The following CELA3B variants were observed in gnomAD, a reference collection of about 807,000 sequenced individuals.
The protein encoded by CELA3B is chymotrypsin like elastase 3B, also known as chymotrypsin-like elastase family member 3B.
In CELA3B, 34 loss-of-function variants were observed where a neutral mutation model predicts 37.2. The observed-to-expected ratio is 0.91, with a 90% CI of 0.70 to 1.22. The LOEUF (loss-of-function observed/expected upper bound fraction) is 1.22, where lower values mean the gene tolerates loss of function less well. CELA3B is among the 50% of genes most tolerant of loss of function. The probability of loss-of-function intolerance (pLI) is 0.00; values close to 1 mark genes in which losing one functional copy is unlikely to be tolerated. For synonymous variants in CELA3B, 127 were observed against 143.5 expected, an observed-to-expected ratio of 0.89 and a Z score of 0.82; for missense variants, 340 against 363.1, an observed-to-expected ratio of 0.94 and a Z score of 0.52.
downstream of CELA3B, among the ~76,000 whole-genome samples, chr1:21,993,834 T>C (rs1030243933): frequency 3.4e-5 from 5 of 146,106 alleles, no homozygotes; most frequent in African/African-American, 1.3e-4. Context: ...TGTGAGCCAC[T>C]GCACCTGGAC....
At chr1:21,986,320 G>T (rs1644838507) in intron 6 of CELA3B, among the ~76,000 whole-genome samples, 1 of 151,860 alleles carries the variant, frequency 6.6e-6, no homozygotes, top group Non-Finnish European at 1.5e-5. Context: ...AGGTTGCAAT[G>T]AGCCAAGCTA....
downstream of CELA3B, among the ~76,000 whole-genome samples, chr1:21,994,298 C>T (rs1355101559): frequency 2.0e-5 from 3 of 150,866 alleles, no homozygotes; most frequent in Non-Finnish European, 4.4e-5. Flanking sequence ...TCTCCCTACA[C>T]TTCCTCCACT....
Position 21,986,522 on chromosome 1 carries a change from C to G in CELA3B, c.643-9C>G. 1 of 1,613,536 alleles carries G rather than the reference C, an allele frequency of 6.2e-7. No individual in the cohort carries two copies. The highest frequency in any genetic ancestry group is 8.5e-7 in the Non-Finnish European group (1 of 1,179,918). ...GGCTCAGCCACCCACACCTCTCTGA[C>G]GGTTCCAGGGTGACTCTGGAGGACC... On this transcript the variant is annotated splice_polypyrimidine_tract_variant and intron_variant, in intron 6 of 7. Transcript: ENST00000337107.
At chr1:21,979,578 G>A (rs1569834868) in intron 2 of CELA3B, among the ~76,000 whole-genome samples, 1 of 148,890 alleles carries the variant, frequency 6.7e-6, no homozygotes, top group African/African-American at 2.5e-5. Flanking sequence ...TCAGCCTCCT[G>A]TGTAGCTAGG....
At chr1:21,991,738 C>G (rs976027829), downstream of CELA3B, among the ~76,000 whole-genome samples, 5 of 151,294 alleles carry the variant, frequency 3.3e-5, no homozygotes, top group African/African-American at 9.8e-5. Flanking sequence ...CTGCAGAGAT[C>G]AGAAACAGGC....
At chr1:21,997,682 T>A (rs1644896708) in intron 4 of CELA3B, among the ~76,000 whole-genome samples, 1 of 124,954 alleles carries the variant, frequency 8.0e-6, no homozygotes, top group East Asian at 2.0e-4. Flanking sequence ...AGAGTGAGAC[T>A]TCGTCTCCAA....
downstream of CELA3B, among the ~76,000 whole-genome samples, chr1:21,991,304 C>T (rs558639769): frequency 1.4e-5 from 2 of 141,364 alleles, no homozygotes; most frequent in East Asian, 2.1e-4. Flanking sequence ...TTCCGAGTAG[C>T]TGGGACTACA....
intron 1 of CELA3B, chr1:21,977,999 A>T (rs1644781992): frequency 2.9e-6 from 1 of 345,958 alleles, no homozygotes; most frequent in South Asian, 2.2e-5. Flanking sequence ...GTGAACCACC[A>T]CACACAGCCC....
chr1:21,979,015 C>G (rs758723620), intron 2 of CELA3B, among the ~76,000 whole-genome samples: 1 of 149,868 alleles, frequency 6.7e-6, no homozygotes, highest in Non-Finnish European at 1.5e-5. Context: ...CCACTGCACT[C>G]CAGCCCTGGG....
At position 21,981,067 on chromosome 1, in the gene CELA3B, G is replaced by T. The variant is rs375825119; in HGVS notation, c.257G>T (p.Gly86Val). Residue 86 changes from glycine (G) to valine (V), a missense_variant, in exon 4 of 8, where the codon GGC (glycine) becomes GTC (valine). Physicochemically the swap from Gly to Val is moderately radical, Grantham distance 109 (BLOSUM62 -3). Transcript: ENST00000337107. The part of the protein sequence containing the change: ...SSSRTYQVVL[G>V]EYDRAVKEGP... ...TCCCGGACCTACCAGGTGGTGTTGGGCGAGTACGACCGTGCTGTGAAGGAG... is the reference window on the plus strand; with the variant it reads ...TCCCGGACCTACCAGGTGGTGTTGGTCGAGTACGACCGTGCTGTGAAGGAG... 4 of 1,613,968 alleles carry T rather than the reference G, an allele frequency of 2.5e-6. No homozygotes were observed. The African/African-American group carries it at 4.0e-5, about 16-fold the overall frequency.
chr1:21,995,000 CAAAAAAAAAAAAA>C (rs61509449), intron 4 of CELA3B, among the ~76,000 whole-genome samples: 2 of 54,014 alleles, frequency 3.7e-5, no homozygotes, highest in East Asian at 6.0e-4. Flanking sequence ...AGACTTGTCT[CAAAAAAAAAAAAA>C]AAAAAAAAAA....
intron 1 of CELA3B, among the ~76,000 whole-genome samples, chr1:21,978,154 A>G (rs1283552963): frequency 7.0e-6 from 1 of 142,704 alleles, no homozygotes; most frequent in Non-Finnish European, 1.5e-5. Flanking sequence ...AGGAGGCCAC[A>G]TTTGAATCTC....
downstream of CELA3B, among the ~76,000 whole-genome samples, chr1:21,991,986 G>T (rs1219280200): frequency 6.6e-6 from 1 of 151,006 alleles, no homozygotes; most frequent in East Asian, 2.0e-4. Flanking sequence ...CAGGTGTGGT[G>T]GTGGGTGCCT....
downstream of CELA3B, among the ~76,000 whole-genome samples, chr1:21,992,496 T>C (rs1219421802): frequency 6.6e-6 from 1 of 151,312 alleles, no homozygotes; most frequent in Admixed American, 6.6e-5. Flanking sequence ...ACAGAACCAG[T>C]CCGTGGTCTG....
At chr1:21,982,199 G>A (rs2152815997) in intron 4 of CELA3B, among the ~76,000 whole-genome samples, 1 of 152,218 alleles carries the variant, frequency 6.6e-6, no homozygotes. Context: ...AGAGAAAAGG[G>A]AGACCCAGAC....
chr1:21,992,347 C>T (rs115082613), downstream of CELA3B, among the ~76,000 whole-genome samples: 10,403 of 151,120 alleles, frequency 0.069, 573 homozygotes, highest in East Asian at 0.14. Flanking sequence ...GCACTATGGT[C>T]GCACCTGTGA....
At chr1:21,983,193 T>C (rs184817477) in intron 4 of CELA3B, among the ~76,000 whole-genome samples, 79 of 151,964 alleles carry the variant, frequency 5.2e-4, no homozygotes, top group African/African-American at 1.9e-3. Context: ...CTACTAAAAA[T>C]AATTAACAAA....
intron 7 of CELA3B, chr1:21,987,880 C>T (rs995726746): frequency 5.9e-5 from 9 of 151,668 alleles, no homozygotes; most frequent in Non-Finnish European, 8.8e-5. Context: ...GGCCCCTGCG[C>T]AAGGATGACA....
intron 2 of CELA3B, 43 bp from the exon 3 acceptor site, chr1:21,980,781 G>A (rs766745029): frequency 1.4e-6 from 2 of 1,394,062 alleles, no homozygotes; most frequent in Non-Finnish European, 2.0e-6. Context: ...AACTCTCATG[G>A]TGGGGCCCAG....
Sources: allele counts gnomAD v4.1 joint callset (sites outside exome capture counted in the v4.1 genomes callset), GRCh38; gene constraint gnomAD v4.1.1; transcripts MANE v1.5; gene names NCBI Gene and HGNC (gene_info 2026-07-23, HGNC 2026-07-21).